The following ATL1 variants were observed in gnomAD, a reference collection of about 807,000 sequenced individuals.
The protein encoded by ATL1 is atlastin-1.
In ATL1, 31 loss-of-function variants were observed where a neutral mutation model predicts 75.5. The observed-to-expected ratio is 0.41, with a 90% CI of 0.31 to 0.55. ATL1 has a LOEUF of 0.55. ATL1 is among the 20% of genes least tolerant of loss of function. ATL1 has a pLI of 0.27. For missense variants in ATL1, 405 were observed against 662.6 expected (o/e 0.61, Z 4.27); for synonymous variants, 226 against 233.3 (o/e 0.97, Z 0.28).
chr14:50,599,688 T>G (rs2039253803), intron 6 of ATL1, among the ~76,000 whole-genome samples: 1 of 152,136 alleles, frequency 6.6e-6, no homozygotes, highest in Admixed American at 6.5e-5. Flanking sequence ...TGTTAAAATT[T>G]GTACAGAAGT....
intron 1 of ATL1, among the ~76,000 whole-genome samples, chr14:50,567,319 A>G (rs1030231344): frequency 2.0e-5 from 3 of 152,170 alleles, no homozygotes; most frequent in African/African-American, 7.2e-5. Flanking sequence ...AAGGCTGAAT[A>G]GCATTCCGTT....
chr14:50,580,689 C>A (rs2039047084), intron 1 of ATL1, among the ~76,000 whole-genome samples: 1 of 151,926 alleles, frequency 6.6e-6, no homozygotes, highest in African/African-American at 2.4e-5. Context: ...ATGTCCTTGT[C>A]AGTTATTGGT....
chr14:50,581,213 A>G (rs541498213), intron 1 of ATL1, among the ~76,000 whole-genome samples: 1 of 151,490 alleles, frequency 6.6e-6, no homozygotes, highest in South Asian at 2.1e-4. Context: ...GTTTCTTGAC[A>G]TAGATATTAG....
At chr14:50,600,211 A>G (rs750122510) in intron 6 of ATL1, among the ~76,000 whole-genome samples, 2 of 152,024 alleles carry the variant, frequency 1.3e-5, no homozygotes, top group Non-Finnish European at 2.9e-5. Context: ...CAATGCTCCA[A>G]TAAAACAGAT....
chr14:50,588,754 A>G (rs930006981), intron 2 of ATL1, among the ~76,000 whole-genome samples: 8 of 152,144 alleles, frequency 5.3e-5, no homozygotes, highest in African/African-American at 1.9e-4. Flanking sequence ...TTAGCTGGGT[A>G]TGTTTTCCTT....
At chr14:50,578,493 T>C (rs943994962) in intron 1 of ATL1, among the ~76,000 whole-genome samples, 4 of 152,192 alleles carry the variant, frequency 2.6e-5, no homozygotes, top group Admixed American at 6.5e-5. Flanking sequence ...ATATTTGTGC[T>C]CTGTCTTACT....
chr14:50,593,787 A>C, intron 4 of ATL1, 59 bp from the exon 5 acceptor site: 1 of 1,099,928 alleles, frequency 9.1e-7, no homozygotes, highest in Non-Finnish European at 1.4e-6. Context: ...GGAATGATGA[A>C]GTAAGTGCTT....
chr14:50,574,875 A>C (rs903252961), intron 1 of ATL1, among the ~76,000 whole-genome samples: 3 of 136,322 alleles, frequency 2.2e-5, no homozygotes, highest in Non-Finnish European at 4.7e-5. Flanking sequence ...AGGTATGTGT[A>C]TTTTTAAATG....
chr14:50,584,808 A>G (rs943915782), intron 1 of ATL1, among the ~76,000 whole-genome samples: 17 of 151,956 alleles, frequency 1.1e-4, no homozygotes, highest in Non-Finnish European at 1.9e-4. Context: ...TAAACATGGT[A>G]TACAAAATGT....
At chr14:50,553,529 G>A (rs1287767401) in intron 1 of ATL1, among the ~76,000 whole-genome samples, 5 of 152,036 alleles carry the variant, frequency 3.3e-5, no homozygotes, top group Admixed American at 6.5e-5. Context: ...CAACCACTAC[G>A]GAAAACAGTA....
intron 6 of ATL1, among the ~76,000 whole-genome samples, chr14:50,608,442 C>T (rs2039334582): frequency 6.6e-6 from 1 of 150,448 alleles, no homozygotes; most frequent in Non-Finnish European, 1.5e-5. Flanking sequence ...TATATTTACA[C>T]CACAGAAATT....
At chr14:50,628,604 C>T (rs2039546446) in intron 12 of ATL1, 142 bp downstream of exon 12, 1 of 802,012 alleles carries the variant, frequency 1.2e-6, no homozygotes, top group Non-Finnish European at 2.2e-6. Context: ...TGCCCAGATA[C>T]AAGCAACTAA....
chr14:50,547,144 A>C (rs1294296972), intron 1 of ATL1, among the ~76,000 whole-genome samples: 1 of 152,200 alleles, frequency 6.6e-6, no homozygotes, highest in Non-Finnish European at 1.5e-5. Context: ...CAGGAAAATA[A>C]GTTAGAATAG....
intron 1 of ATL1, among the ~76,000 whole-genome samples, chr14:50,541,359 A>G (rs1359316039): frequency 5.9e-5 from 9 of 152,222 alleles, no homozygotes; most frequent in African/African-American, 2.2e-4. Context: ...AAAAAATACC[A>G]CTAATACCAG....
At chr14:50,587,464 G>A (rs1012092092) in intron 1 of ATL1, among the ~76,000 whole-genome samples, 6 of 151,974 alleles carry the variant, frequency 3.9e-5, no homozygotes, top group Admixed American at 1.3e-4. Context: ...AGGCTGGAGT[G>A]CAGTGGCACA....
rs1487357280 is a variant in ATL1, at chr14:50,560,173, G to A, written c.-93G>A. On this transcript the variant is annotated 5_prime_UTR_variant, in exon 1 of 14. Coordinates refer to ENST00000358385, the MANE Select transcript of ATL1 (RefSeq NM_015915.5). The stretch of plus-strand genomic sequence containing the variant: ...GTCTGAGCGAACTGCGCCCAGCGCG[G>A]GCACGGAGCCTCCCACCGCCAGCAA... The A allele has an allele frequency of 2.7e-6, 4 of 1,496,232 alleles. No individual in the cohort carries two copies. Among genetic ancestry groups the A allele is most frequent in the Non-Finnish European group, 3.7e-6 (4 of 1,085,830 alleles). The allele number at this position is 1,496,232 out of a possible 1,614,324, so 92.7% of individuals were successfully genotyped here. A position where few individuals can be genotyped will look rare whatever the true frequency, so the allele number is the denominator to read the frequency against.
intron 4 of ATL1, among the ~76,000 whole-genome samples, chr14:50,592,796 A>C (rs925522739): frequency 3.3e-5 from 5 of 151,010 alleles, no homozygotes; most frequent in African/African-American, 1.2e-4. Context: ...CTGTAGTCCC[A>C]GCTACTCGGG....
chr14:50,590,160 C>G (rs2039142287), intron 2 of ATL1, among the ~76,000 whole-genome samples: 1 of 152,094 alleles, frequency 6.6e-6, no homozygotes, highest in South Asian at 2.1e-4. Flanking sequence ...CTGGTCAGAC[C>G]TTCAATCATA....
At chr14:50,602,489 G>A (rs2039280384) in intron 6 of ATL1, among the ~76,000 whole-genome samples, 1 of 152,098 alleles carries the variant, frequency 6.6e-6, no homozygotes, top group Admixed American at 6.5e-5. Flanking sequence ...AGGCTATGAA[G>A]AAATAGAAAC....
Sources: gnomAD v4.1 joint callset for allele counts (sites outside exome capture counted in the v4.1 genomes callset) on GRCh38, gnomAD v4.1.1 for gene constraint, MANE v1.5 for transcripts, NCBI Gene and HGNC (gene_info 2026-07-23, HGNC 2026-07-21) for gene names.